The following FZD3 variants were observed in gnomAD, a reference collection of about 807,000 sequenced individuals.
The protein encoded by FZD3 is frizzled class receptor 3, also known as frizzled-3.
FZD3 carries 30 observed loss-of-function variants against 60.7 expected under a neutral mutation model. The ratio of observed to expected loss-of-function variants is 0.49; its 90% CI spans 0.37 to 0.67. FZD3 has a LOEUF of 0.67. FZD3 is among the 30% of genes least tolerant of loss of function. The pLI is 0.00. For missense variants in FZD3, 605 were observed against 838.7 expected (o/e 0.72, Z 3.44); for synonymous variants, 246 against 275.2 (o/e 0.89, Z 1.05).
chr8:28,496,012 T>C (rs1349905056), intron 1 of FZD3, among the ~76,000 whole-genome samples: 1 of 152,220 alleles, frequency 6.6e-6, no homozygotes, highest in Admixed American at 6.5e-5. Flanking sequence ...AGAAGGACAA[T>C]GAGCTGTTTC....
chr8:28,530,602 C>T (rs1016366374), intron 5 of FZD3: 1 of 152,104 alleles, frequency 6.6e-6, no homozygotes, highest in East Asian at 1.9e-4. Flanking sequence ...TTTAAAAGCC[C>T]CTAGTACTAA....
At chr8:28,514,748 C>A (rs1234512623) in intron 3 of FZD3, among the ~76,000 whole-genome samples, 1 of 152,192 alleles carries the variant, frequency 6.6e-6, no homozygotes, top group Non-Finnish European at 1.5e-5. Context: ...AACTGTCTCA[C>A]TTGGCAGTTG....
At chr8:28,552,191 A>G (rs1424380201) in intron 6 of FZD3, among the ~76,000 whole-genome samples, 1 of 152,236 alleles carries the variant, frequency 6.6e-6, no homozygotes, top group Non-Finnish European at 1.5e-5. Flanking sequence ...TTTACTGATA[A>G]GAGCTAGATA....
intron 7 of FZD3, among the ~76,000 whole-genome samples, chr8:28,561,788 T>C (rs547586010): frequency 6.6e-6 from 1 of 152,278 alleles, no homozygotes; most frequent in South Asian, 2.1e-4. Flanking sequence ...CTTGAGGCAC[T>C]AGGGATTAAA....
chr8:28,562,866 A>T lies in FZD3; in HGVS notation c.1856A>T (p.Asp619Val). Reference protein sequence around the residue: ...LPHGSMSRLTDHSRHSSSHRL... With the variant: ...LPHGSMSRLTVHSRHSSSHRL... ...CATGGCAGCATGTCACGACTAACAG[A>T]TCACTCCAGGCATAGTAGTTCTCAT... The change falls in exon 8 of 8, where the codon GAT becomes GTT. Residue 619 changes from aspartate to valine, a missense_variant. By Grantham distance (152) the Asp-to-Val change is radical (BLOSUM62 -3). Coordinates refer to ENST00000240093, the MANE Select transcript of FZD3 (RefSeq NM_017412.4). 6.2e-7 allele frequency: 1 copy of T among 1,613,828 alleles called. No homozygotes were observed. Among genetic ancestry groups the T allele is most frequent in the Non-Finnish European group, 8.5e-7 (1 of 1,179,748 alleles).
intron 5 of FZD3, among the ~76,000 whole-genome samples, chr8:28,541,218 G>T (rs1022686973): frequency 1.3e-5 from 2 of 152,008 alleles, no homozygotes; most frequent in African/African-American, 4.8e-5. Context: ...TCAGTGTCTT[G>T]GCCCTCTGGC....
At chr8:28,499,712 T>C in intron 1 of FZD3, among the ~76,000 whole-genome samples, 1 of 152,128 alleles carries the variant, frequency 6.6e-6, no homozygotes, top group African/African-American at 2.4e-5. Flanking sequence ...TCCTATCTGG[T>C]TGGCAAAAAA....
chr8:28,558,550 C>A (rs113342043), intron 7 of FZD3, among the ~76,000 whole-genome samples: 3,263 of 152,120 alleles, frequency 0.021, 108 homozygotes, highest in African/African-American at 0.074. Flanking sequence ...CATGCCTCAG[C>A]CCCCTGAGTA....
chr8:28,552,625 A>G (rs1805434084), intron 6 of FZD3, among the ~76,000 whole-genome samples: 1 of 152,148 alleles, frequency 6.6e-6, no homozygotes, highest in African/African-American at 2.4e-5. Flanking sequence ...TAGTCTGTAA[A>G]TATTTTAAAA....
At chr8:28,515,730 T>C (rs1222613152) in intron 3 of FZD3, among the ~76,000 whole-genome samples, 1 of 152,224 alleles carries the variant, frequency 6.6e-6, no homozygotes, top group African/African-American at 2.4e-5. Context: ...ATCAGGAAGC[T>C]GCTGATCACC....
rs769967376 is a variant in FZD3, at chr8:28,527,573, A to G, written c.813A>G (p.Gln271=). The G allele has an allele frequency of 3.2e-5, 52 of 1,613,902 alleles. No individual in the cohort carries two copies. The highest frequency in any genetic ancestry group is 3.7e-5 in the Non-Finnish European group (44 of 1,179,928). The change falls in exon 5 of 8, where the codon CAA becomes CAG. Residue 271 remains glutamine (Q), a synonymous_variant. Coordinates refer to ENST00000240093, the MANE Select transcript of FZD3 (RefSeq NM_017412.4). The surrounding 1 kb of genome is among the most constrained non-coding windows in gnomAD (Gnocchi z 5.0). The part of the protein sequence containing the change: ...RVACNASIPA[Q]YKASTVTQGS... ...CCTGCAATGCATCCATCCCTGCACA[A>G]TATAAGGCTTCCACAGTGACACAAG...
At chr8:28,548,828 AT>A (rs1805352024) in intron 5 of FZD3, among the ~76,000 whole-genome samples, 1 of 152,168 alleles carries the variant, frequency 6.6e-6, no homozygotes, top group South Asian at 2.1e-4. Flanking sequence ...GAGAATCTGC[AT>A]TCTTATGATA....
At position 28,566,320 on chromosome 8, in the gene FZD3, A is replaced by G. The variant is rs1805705180; in HGVS notation, c.*3309A>G. ...TATAATTAAAGAAATATATGTACAGACATGTACCAATCCTTTTAATTAATT... is the reference window on the plus strand; with the variant it reads ...TATAATTAAAGAAATATATGTACAGGCATGTACCAATCCTTTTAATTAATT... On this transcript the variant is annotated 3_prime_UTR_variant, in exon 8 of 8. Coordinates refer to ENST00000240093, the MANE Select transcript of FZD3 (RefSeq NM_017412.4). 6.6e-6 allele frequency: 1 copy of G among 152,218 alleles called. No homozygotes were observed. The highest frequency in any genetic ancestry group is 2.4e-5 in the African/African-American group (1 of 41,474). The allele number at this position is 152,218 out of a possible 1,614,324, so 9.4% of individuals were successfully genotyped here.
In FZD3 at chr8:28,508,462, A is replaced by G. The variant is rs577464510; in HGVS notation, c.189+5260A>G. The stretch of plus-strand genomic sequence containing the variant: ...TTTTTTTTTTAAGGGAAAGTCCATC[A>G]TGAGTTTATACTGATACTTGCGATT... On this transcript the variant is annotated intron_variant, in intron 3 of 7. Transcript: ENST00000240093. Among the ~76,000 whole-genome samples, 8 of 143,846 alleles carry G rather than the reference A, an allele frequency of 5.6e-5. No homozygotes were observed. In the East Asian group the frequency reaches 1.6e-3, roughly 29 times the overall value. The allele number at this position is 143,846 out of a possible 152,430, so 94.4% of individuals were successfully genotyped here. A position where few individuals can be genotyped will look rare whatever the true frequency, so the allele number is the denominator to read the frequency against.
intron 3 of FZD3, among the ~76,000 whole-genome samples, chr8:28,510,683 G>A: frequency 6.6e-6 from 1 of 152,158 alleles, no homozygotes; most frequent in East Asian, 1.9e-4. Flanking sequence ...ATATCCATGT[G>A]CCATCATTAG....
At chr8:28,524,359 A>G (rs1195323382) in intron 4 of FZD3, among the ~76,000 whole-genome samples, 3 of 152,210 alleles carry the variant, frequency 2.0e-5, no homozygotes, top group Non-Finnish European at 1.5e-5. Context: ...TGATTATGCT[A>G]TGTATTTAAT....
Position 28,566,537 on chromosome 8 carries a change from C to A in FZD3, c.*3526C>A, listed in dbSNP as rs907429162. 6.6e-6 allele frequency: 1 copy of A among 152,158 alleles called. No individual in the cohort carries two copies. Among genetic ancestry groups the A allele is most frequent in the African/African-American group, 2.4e-5 (1 of 41,458 alleles). 9.4% of individuals were successfully genotyped at this position (152,158 alleles called of 1,614,324 possible). Reference sequence around the variant, plus strand: ...GAAAAATTTACTACATTTTAACCTACCTCATCAGTTTCTTTGTGATAATAG... The same window carrying A: ...GAAAAATTTACTACATTTTAACCTAACTCATCAGTTTCTTTGTGATAATAG... On this transcript the variant is annotated 3_prime_UTR_variant, in exon 8 of 8. Transcript: ENST00000240093.
At chr8:28,516,343 A>G (rs563540249) in intron 3 of FZD3, among the ~76,000 whole-genome samples, 12 of 152,228 alleles carry the variant, frequency 7.9e-5, no homozygotes, top group African/African-American at 1.4e-4. Context: ...GCGTACTCCA[A>G]TTGGTTCTTT....
chr8:28,527,917 G>A lies in FZD3; in HGVS notation c.1157G>A (p.Gly386Glu). 6.2e-7 allele frequency: 1 copy of A among 1,614,008 alleles called. No homozygotes were observed. The highest frequency in any genetic ancestry group is 8.5e-7 in the Non-Finnish European group (1 of 1,179,944). Residue 386 changes from glycine to glutamate, a missense_variant, in exon 5 of 8, where the codon GGG becomes GAG. Gly to Glu is a moderately conservative substitution (Grantham distance 98). Transcript: ENST00000240093. The surrounding 1 kb of genome is among the most constrained non-coding windows in gnomAD (Gnocchi z 5.0). ...CCCCTCTGCCTGTATGTGGTAGTTG[G>A]GGTTTCTCTCCTCTTAGCTGGCATT... Reference protein sequence around the residue: ...LAPLCLYVVVGVSLLLAGIIS... With the variant: ...LAPLCLYVVVEVSLLLAGIIS...
Sources: gnomAD v4.1 joint callset for allele counts (sites outside exome capture counted in the v4.1 genomes callset) on GRCh38, gnomAD v4.1.1 for gene constraint, Gnocchi (gnomAD v3.1) non-coding constraint, MANE v1.5 for transcripts, NCBI Gene and HGNC (gene_info 2026-07-23, HGNC 2026-07-21) for gene names.